The following PTP4A1 variants were observed in gnomAD, a reference collection of about 807,000 sequenced individuals.
The protein encoded by PTP4A1 is protein tyrosine phosphatase 4A1, also known as protein tyrosine phosphatase type IVA 1.
Under a neutral mutation model 20.5 loss-of-function variants are expected in PTP4A1, and 9 were observed. The observed-to-expected ratio is 0.44, with a 90% CI of 0.26 to 0.77. The LOEUF is 0.77. Among genes scored for constraint, PTP4A1 ranks in the 30% least tolerant of loss-of-function variants. PTP4A1 has a pLI of 0.19. For missense variants in PTP4A1, 137 were observed against 218.8 expected, an observed-to-expected ratio of 0.63 and a Z score of 2.36; for synonymous variants, 78 against 67.4, an observed-to-expected ratio of 1.16 and a Z score of -0.77.
chr6:63,570,413 T>A (rs372745401), upstream of PTP4A1, among the ~76,000 whole-genome samples: 3 of 152,324 alleles, frequency 2.0e-5, no homozygotes, highest in East Asian at 3.9e-4. Flanking sequence ...GTTACTTTCA[T>A]AGTAGGATAA....
In PTP4A1 at chr6:63,583,265, A is replaced by G. The variant is rs1002309990; in HGVS notation, c.*3091A>G. The G allele has an allele frequency of 3.9e-5, 6 of 152,242 alleles. No homozygotes were observed. Among genetic ancestry groups the G allele is most frequent in the African/African-American group, 1.4e-4 (6 of 41,472 alleles). 9.4% of individuals were successfully genotyped at this position (152,242 alleles called of 1,614,324 possible). On this transcript the variant is annotated 3_prime_UTR_variant, in exon 6 of 6. Transcript: ENST00000626021. ...AAGTTTTAAACAAAATACATGAAGT[A>G]GTGTCTGCCATACATGTTAATATTC...
At chr6:63,547,534 C>A (rs762719448) in intron 2 of PTP4A1, among the ~76,000 whole-genome samples, 7 of 106,950 alleles carry the variant, frequency 6.5e-5, no homozygotes, top group African/African-American at 7.2e-5. Context: ...AAGATGGAGT[C>A]TTGCTCTGTC....
chr6:63,561,936 C>T (rs771992547), intron 3 of PTP4A1, among the ~76,000 whole-genome samples: 1 of 152,122 alleles, frequency 6.6e-6, no homozygotes, highest in African/African-American at 2.4e-5. Context: ...ACAGACCTAT[C>T]GGTGCAACCT....
chr6:63,542,806 A>G (rs972543937), intron 2 of PTP4A1, among the ~76,000 whole-genome samples: 4 of 152,010 alleles, frequency 2.6e-5, no homozygotes, highest in African/African-American at 9.7e-5. Context: ...CCATTGCTCT[A>G]TATGCAAAAT....
At position 63,522,967 on chromosome 6, in the gene PTP4A1, C is replaced by T. The variant is rs528590975; in HGVS notation, c.-906+1141C>T. Among the ~76,000 whole-genome samples, 276 of 151,070 alleles carry T rather than the reference C, an allele frequency of 1.8e-3. 1 individual carries two copies. Among genetic ancestry groups the T allele is most frequent in the African/African-American group, 6.3e-3 (258 of 41,130 alleles). ...GCAACCTCTGCCTCCCAGGTTCAAG[C>T]GATTCTCCTGCCACAGCCTCCGGAG... On this transcript the variant is annotated intron_variant, in intron 1 of 3. Coordinates refer to the PTP4A1 transcript ENST00000639568.
rs561451500 is a variant in PTP4A1, at chr6:63,528,848, G to A, written c.-640+764G>A. Among the ~76,000 whole-genome samples, 12 of 152,134 alleles carry A rather than the reference G, an allele frequency of 7.9e-5. 1 individual carries two copies. In the South Asian group the frequency reaches 2.3e-3, roughly 29 times the overall value. ...AGAATATGTTTTATAAAAATATTTG[G>A]GAGGCCGAGGCCGGTGGATTACCTG... is the stretch of plus-strand genomic sequence containing the variant. On this transcript the variant is annotated intron_variant, in intron 2 of 3. Coordinates refer to the PTP4A1 transcript ENST00000639568.
chr6:63,524,267 G>A lies in PTP4A1; in HGVS notation c.-906+2441G>A, dbSNP rs564759167. Among the ~76,000 whole-genome samples the A allele has an allele frequency of 1.5e-3, 229 of 152,274 alleles. 2 individuals are homozygous for A. Among genetic ancestry groups the A allele is most frequent in the African/African-American group, 5.1e-3 (214 of 41,554 alleles). ...CCCAAATTGCTGGGATTACAGACGTGAGCCCCCATGCCCAGCACTCAATAG... is the reference window on the plus strand; with the variant it reads ...CCCAAATTGCTGGGATTACAGACGTAAGCCCCCATGCCCAGCACTCAATAG... On this transcript the variant is annotated intron_variant, in intron 1 of 3. Transcript: ENST00000639568.
upstream of PTP4A1, among the ~76,000 whole-genome samples, chr6:63,568,827 T>C (rs1269001275): frequency 6.6e-6 from 1 of 152,188 alleles, no homozygotes; most frequent in Non-Finnish European, 1.5e-5. Flanking sequence ...CATGGCATAC[T>C]TGAATTTTTA....
chr6:63,579,232 T>C, intron 4 of PTP4A1, 25 bp from the exon 5 acceptor site: 1 of 1,575,972 alleles, frequency 6.3e-7, no homozygotes, highest in East Asian at 2.3e-5. Flanking sequence ...GAAAAAACTA[T>C]TTATCAAAAT....
chr6:63,526,155 T>C (rs1457287316), intron 1 of PTP4A1, among the ~76,000 whole-genome samples: 1 of 151,998 alleles, frequency 6.6e-6, no homozygotes, highest in African/African-American at 2.4e-5. Context: ...TGAAATCCCG[T>C]CTCCACTAAA....
At chr6:63,547,450 A>G (rs1432688485) in intron 2 of PTP4A1, among the ~76,000 whole-genome samples, 4 of 150,770 alleles carry the variant, frequency 2.7e-5, no homozygotes, top group Non-Finnish European at 5.9e-5. Flanking sequence ...TCGGCCTCCC[A>G]AAGTGCTGGG....
At chr6:63,518,024 C>T (rs189585454), upstream of PTP4A1, among the ~76,000 whole-genome samples, 31 of 151,944 alleles carry the variant, frequency 2.0e-4, no homozygotes, top group East Asian at 1.4e-3. Context: ...TGGTGGCAGG[C>T]GCCTGTAATC....
Position 63,578,368 on chromosome 6 carries a change from G to T in PTP4A1, c.106-69G>T. 2.0e-6 allele frequency: 3 copies of T among 1,504,494 alleles called. No homozygotes were observed. The South Asian group carries it at 3.9e-5, about 20-fold the overall frequency. The allele number at this position is 1,504,494 out of a possible 1,614,324, so 93.2% of individuals were successfully genotyped here. On this transcript the variant is annotated intron_variant, in intron 2 of 5. Coordinates refer to ENST00000626021, the MANE Select transcript of PTP4A1 (RefSeq NM_003463.5). ...CATACTTACTGATCAGAGATGATCA[G>T]AATATAAAATGTTGAGTTATAGTGA...
At chr6:63,530,671 AT>A (rs1029763499) in intron 2 of PTP4A1, among the ~76,000 whole-genome samples, 1 of 152,088 alleles carries the variant, frequency 6.6e-6, no homozygotes, top group African/African-American at 2.4e-5. Flanking sequence ...TATCATAAAG[AT>A]TTTTTCAAAT....
At chr6:63,518,335 T>C (rs1328684088), upstream of PTP4A1, among the ~76,000 whole-genome samples, 1 of 152,180 alleles carries the variant, frequency 6.6e-6, no homozygotes, top group Non-Finnish European at 1.5e-5. Flanking sequence ...TTGTTACTTG[T>C]ACCTAAACTA....
upstream of PTP4A1, among the ~76,000 whole-genome samples, chr6:63,521,049 C>T (rs1365636393): frequency 6.6e-6 from 1 of 151,766 alleles, no homozygotes; most frequent in African/African-American, 2.4e-5. Flanking sequence ...CACATGGACA[C>T]AGGGAGGTGA....
chr6:63,559,715 A>G (rs1336564752), intron 3 of PTP4A1, among the ~76,000 whole-genome samples: 1 of 152,118 alleles, frequency 6.6e-6, no homozygotes, highest in Non-Finnish European at 1.5e-5. Flanking sequence ...ACTGCACTCC[A>G]GCCTGGGTGA....
In PTP4A1 at chr6:63,582,276, A is replaced by G. The variant is rs1206092411; in HGVS notation, c.*2102A>G. 6.6e-6 allele frequency: 1 copy of G among 152,594 alleles called. No individual in the cohort carries two copies. The highest frequency in any genetic ancestry group is 1.9e-4 in the East Asian group (1 of 5,202). 9.5% of individuals were successfully genotyped at this position (152,594 alleles called of 1,614,324 possible). On this transcript the variant is annotated 3_prime_UTR_variant, in exon 6 of 6. Coordinates refer to ENST00000626021, the MANE Select transcript of PTP4A1 (RefSeq NM_003463.5). Reference sequence around the variant, plus strand: ...ACTAAATGTTAAACTATTACCACACAGCCCATAAAACAGCATTTGCGTTTA... The same window carrying G: ...ACTAAATGTTAAACTATTACCACACGGCCCATAAAACAGCATTTGCGTTTA...
intron 1 of PTP4A1, among the ~76,000 whole-genome samples, chr6:63,573,080 G>T (rs1210499602): frequency 2.0e-5 from 3 of 152,214 alleles, no homozygotes; most frequent in African/African-American, 7.2e-5. Flanking sequence ...AAGCCGCTTT[G>T]TGACCGCCGC....
Sources: allele counts gnomAD v4.1 joint callset (sites outside exome capture counted in the v4.1 genomes callset), GRCh38; gene constraint gnomAD v4.1.1; transcripts MANE v1.5; gene names NCBI Gene and HGNC (gene_info 2026-07-23, HGNC 2026-07-21).